Variants in DYRK1A observed in about 807,000 individuals in gnomAD.
DYRK1A encodes the protein dual specificity tyrosine-phosphorylation-regulated kinase 1A.
A neutral mutation model predicts 79.7 loss-of-function variants in DYRK1A; 9 were observed. The observed-to-expected ratio is 0.11, with a 90% confidence interval of 0.07 to 0.20. The LOEUF (loss-of-function observed/expected upper bound fraction) is 0.20, where lower values mean the gene tolerates loss of function less well. DYRK1A is among the 10% of genes least tolerant of loss of function. DYRK1A has a pLI of 1.00. For missense variants in DYRK1A, 622 were observed against 956.0 expected, an observed-to-expected ratio of 0.65 and a Z score of 4.61; for synonymous variants, 349 against 329.7, an observed-to-expected ratio of 1.06 and a Z score of -0.63.
rs1020337678 is a variant in DYRK1A at position 37,515,675 on chromosome 21, C to T, written c.*3144C>T. ...CTTCAGTATATATTAAGGTGGCTTTCGAGAGGCAAGATGCTTATTTAAAAG... is the reference window on the plus strand; with the variant it reads ...CTTCAGTATATATTAAGGTGGCTTTTGAGAGGCAAGATGCTTATTTAAAAG... On this transcript the variant is annotated 3_prime_UTR_variant, in exon 12 of 12. Transcript: ENST00000647188. The T allele has an allele frequency of 2.0e-5, 3 of 151,980 alleles. No homozygotes were observed. Among genetic ancestry groups the T allele is most frequent in the Non-Finnish European group, 2.9e-5 (2 of 68,026 alleles). The allele number at this position is 151,980 out of a possible 1,614,324, so 9.4% of individuals were successfully genotyped here.
At chr21:37,459,488 G>A (rs1466724019) in intron 2 of DYRK1A, among the ~76,000 whole-genome samples, 1 of 152,054 alleles carries the variant, frequency 6.6e-6, no homozygotes, top group Non-Finnish European at 1.5e-5. Context: ...TCACTGTCCT[G>A]TGTAGATCTT....
chr21:37,498,841 G>A (rs1435522099), intron 9 of DYRK1A, among the ~76,000 whole-genome samples: 2 of 152,036 alleles, frequency 1.3e-5, no homozygotes, highest in Admixed American at 1.3e-4. Context: ...TTTGTCTGTT[G>A]GGTTTTAGCC....
At position 37,506,195 on chromosome 21, in the gene DYRK1A, C is replaced by T. The variant is rs2053592215; in HGVS notation, c.1616C>T (p.Ala539Val). Residue 539 changes from alanine (A) to valine (V), a missense_variant, in exon 11 of 12, where the codon GCC becomes GTC. Around this residue, in one of 5 missense-constraint regions of DYRK1A, gnomAD observed 292 missense variants for 316.7 expected, o/e 0.92. Coordinates refer to ENST00000647188, the MANE Select transcript of DYRK1A (RefSeq NM_001347721.2). ...SGGHFTAAVQ[A>V]MDCETHSPQV... Reference sequence around the variant, plus strand: ...GGGCACTTCACAGCTGCCGTGCAGGCCATGGACTGCGAGACACACAGTCCC... The same window carrying T: ...GGGCACTTCACAGCTGCCGTGCAGGTCATGGACTGCGAGACACACAGTCCC... 1 of 1,614,040 alleles carries T rather than the reference C, an allele frequency of 6.2e-7. No individual in the cohort carries two copies. The highest frequency in any genetic ancestry group is 8.5e-7 in the Non-Finnish European group (1 of 1,180,048).
chr21:37,448,193 A>G (rs1454918831), intron 2 of DYRK1A, among the ~76,000 whole-genome samples: 3 of 152,244 alleles, frequency 2.0e-5, no homozygotes, highest in Non-Finnish European at 4.4e-5. Context: ...ATATTTCAGA[A>G]GAGATTTTAA....
chr21:37,457,033 CTTACTTATTTAT>C (rs1163656625), intron 2 of DYRK1A, among the ~76,000 whole-genome samples: 2,383 of 118,086 alleles, frequency 0.02, 44 homozygotes, highest in African/African-American at 0.056. Context: ...TACTTACTTA[CTTACTTATTTAT>C]TTATTTATTT....
intron 1 of DYRK1A, among the ~76,000 whole-genome samples, chr21:37,403,425 C>T (rs1247485320): frequency 1.3e-5 from 2 of 151,740 alleles, no homozygotes; most frequent in Non-Finnish European, 2.9e-5. Context: ...TTTTCTGTTT[C>T]TTTGCTGCCT....
chr21:37,368,978 A>G (rs1242680976), intron 1 of DYRK1A, among the ~76,000 whole-genome samples: 3 of 152,222 alleles, frequency 2.0e-5, no homozygotes, highest in South Asian at 2.1e-4. Flanking sequence ...TCCCCCCCCA[A>G]GAAAACTATG....
intron 2 of DYRK1A, chr21:37,425,719 CA>C (rs1027026840): frequency 6.6e-6 from 1 of 152,110 alleles, no homozygotes; most frequent in Non-Finnish European, 1.5e-5. Flanking sequence ...TCAGCAAAAC[CA>C]AAACGTCACA....
chr21:37,512,084 T>TCACCAC lies in DYRK1A; in HGVS notation c.1824_1829dup (p.His609_His610dup), dbSNP rs1569405497. On this transcript the variant is annotated inframe_insertion, in exon 12 of 12. Transcript: ENST00000647188. ...ATCACCATCACCACCACCACCACCA[T>TCACCAC]CACCACCACCATGGACAACAAGCCT... The TCACCAC allele has an allele frequency of 2.5e-6, 4 of 1,613,764 alleles. No individual in the cohort carries two copies. The highest frequency in any genetic ancestry group is 2.7e-5 in the African/African-American group (2 of 74,950).
At chr21:37,479,625 T>TTTG (rs2052559814) in intron 4 of DYRK1A, among the ~76,000 whole-genome samples, 2 of 97,534 alleles carry the variant, frequency 2.1e-5, no homozygotes, top group Non-Finnish European at 3.8e-5. Context: ...TTTTGTTTTT[T>TTTG]TTTTTTTTTT....
At position 37,517,099 on chromosome 21, in the gene DYRK1A, T is replaced by G. The variant is rs1019912974; in HGVS notation, c.*4568T>G. The G allele has an allele frequency of 6.6e-6, 1 of 152,164 alleles. No individual in the cohort carries two copies. The highest frequency in any genetic ancestry group is 1.5e-5 in the Non-Finnish European group (1 of 68,038). 9.4% of individuals were successfully genotyped at this position (152,164 alleles called of 1,614,324 possible). On this transcript the variant is annotated 3_prime_UTR_variant, in exon 12 of 12. Coordinates refer to ENST00000647188, the MANE Select transcript of DYRK1A (RefSeq NM_001347721.2). ...AAAGCATAGAGGAGGCAGAGACAAG[T>G]CTTAAACCGGCTTCCCTTCGCTTTT...
At chr21:37,376,962 T>C (rs1179975583) in intron 1 of DYRK1A, among the ~76,000 whole-genome samples, 3 of 152,178 alleles carry the variant, frequency 2.0e-5, no homozygotes, top group East Asian at 3.8e-4. Flanking sequence ...ATTATACTTT[T>C]AGTATGTATT....
chr21:37,383,570 A>G (rs578226259), intron 1 of DYRK1A, among the ~76,000 whole-genome samples: 1 of 152,356 alleles, frequency 6.6e-6, no homozygotes, highest in Non-Finnish European at 1.5e-5. Context: ...TTTACTGAGA[A>G]GAGTTCACAG....
At chr21:37,402,074 C>T (rs966400858) in intron 1 of DYRK1A, among the ~76,000 whole-genome samples, 1 of 152,094 alleles carries the variant, frequency 6.6e-6, no homozygotes. Flanking sequence ...CAATTGCTGC[C>T]ATGTTTTTAC....
At chr21:37,366,567 G>T (rs1290446815), upstream of DYRK1A, among the ~76,000 whole-genome samples, 2 of 151,238 alleles carry the variant, frequency 1.3e-5, no homozygotes, top group African/African-American at 4.8e-5. Flanking sequence ...GACACTCGTA[G>T]CGGACCCGAG....
At position 37,472,790 on chromosome 21, in the gene DYRK1A, G is replaced by A; in HGVS notation, c.117G>A (p.Gln39=). The change falls in exon 3 of 12, where the codon CAG becomes CAA. Residue 39 remains glutamine (Q), a synonymous_variant. Coordinates refer to ENST00000647188, the MANE Select transcript of DYRK1A (RefSeq NM_001347721.2). ...QMAGQMPHSH[Q]YSDRRQPNIS... ...CTGGACAGATGCCCCATTCACATCA[G>A]TACAGTGACCGTCGCCAGCCAAACA... 1 of 1,611,672 alleles carries A rather than the reference G, an allele frequency of 6.2e-7. No individual in the cohort carries two copies. The highest frequency in any genetic ancestry group is 8.5e-7 in the Non-Finnish European group (1 of 1,178,312).
chr21:37,393,543 C>T (rs974256234), intron 1 of DYRK1A, among the ~76,000 whole-genome samples: 2 of 152,148 alleles, frequency 1.3e-5, no homozygotes, highest in Admixed American at 6.5e-5. Context: ...GTACAAGCCT[C>T]TTTTCAAATC....
Position 37,526,065 on chromosome 21 carries a change from T to C in DYRK1A, c.*13534T>C, listed in dbSNP as rs1464969094. 3.9e-5 allele frequency: 6 copies of C among 152,252 alleles called. No individual in the cohort carries two copies. The highest frequency in any genetic ancestry group is 1.4e-4 in the African/African-American group (6 of 41,478). 9.4% of individuals were successfully genotyped at this position (152,252 alleles called of 1,614,324 possible). A position where few individuals can be genotyped will look rare whatever the true frequency, so the allele number is the denominator to read the frequency against. On this transcript the variant is annotated 3_prime_UTR_variant, in exon 12 of 12. Coordinates refer to ENST00000647188, the MANE Select transcript of DYRK1A (RefSeq NM_001347721.2). ...GAACTATTGTTTGAATCACAACTAA[T>C]GTTACTGCTTTAAGCTCTTCCCATG...
chr21:37,500,377 C>G (rs1440649282), intron 9 of DYRK1A, among the ~76,000 whole-genome samples: 2 of 152,134 alleles, frequency 1.3e-5, no homozygotes, highest in Non-Finnish European at 2.9e-5. Context: ...ATTTGCTAAT[C>G]TCTTGGTAAG....
Sources: allele counts gnomAD v4.1 joint callset (sites outside exome capture counted in the v4.1 genomes callset), GRCh38; gene constraint gnomAD v4.1.1; regional missense constraint gnomAD v4.1.1; transcripts MANE v1.5; gene names NCBI Gene and HGNC (gene_info 2026-07-23, HGNC 2026-07-21).